DNAI3: variants seen among roughly 807,000 people sequenced by gnomAD.
DNAI3 encodes the protein WD repeat domain 63.
DNAI3 carries 83 observed loss-of-function variants against 115.5 expected under a neutral mutation model. That is an observed-to-expected ratio of 0.72 (90% CI 0.60 to 0.86). DNAI3 has a LOEUF of 0.86. Among genes scored for constraint, DNAI3 ranks in the 40% least tolerant of loss-of-function variants. The probability of loss-of-function intolerance (pLI) is 0.00; values close to 1 mark genes in which losing one functional copy is unlikely to be tolerated. For missense variants in DNAI3, 1,004 were observed against 1,075.8 expected (o/e 0.93, Z 0.93); for synonymous variants, 320 against 347.0 (o/e 0.92, Z 0.86).
chr1:85,132,160 A>G (rs1400119613), intron 22 of DNAI3, among the ~76,000 whole-genome samples: 1 of 152,250 alleles, frequency 6.6e-6, no homozygotes, highest in Non-Finnish European at 1.5e-5. Flanking sequence ...AAATGGCAAC[A>G]GTAACAACCT....
chr1:85,118,794 G>C (rs1655907387), intron 17 of DNAI3, among the ~76,000 whole-genome samples: 1 of 152,108 alleles, frequency 6.6e-6, no homozygotes. Flanking sequence ...CCGATAGGAA[G>C]AAGGAGGTTG....
intron 1 of DNAI3, among the ~76,000 whole-genome samples, chr1:85,067,216 A>AC (rs1030603621): frequency 6.6e-6 from 1 of 152,106 alleles, no homozygotes; most frequent in African/African-American, 2.4e-5. Flanking sequence ...AAGAATTAAG[A>AC]CCCCTAAAAG....
In DNAI3 at chr1:85,128,715, G is replaced by C. The variant is rs1427310054; in HGVS notation, c.2325G>C (p.Gln775His). The change falls in exon 21 of 23, where the codon CAG becomes CAC. Residue 775 changes from glutamine (Q) to histidine (H), a missense_variant. Physicochemically the swap from Gln to His is conservative, Grantham distance 24 (BLOSUM62 0). Coordinates refer to ENST00000294664, the MANE Select transcript of DNAI3 (RefSeq NM_145172.5). Reference protein sequence around the residue: ...YIKPWIFSSKQQFIATADYYG... With the variant: ...YIKPWIFSSKHQFIATADYYG... ...TTATTTTAAAATTTTCAGCTAAACA[G>C]CAATTTATAGCCACAGCTGATTATT... The C allele has an allele frequency of 6.2e-7, 1 of 1,601,732 alleles. No homozygotes were observed. The highest frequency in any genetic ancestry group is 8.5e-7 in the Non-Finnish European group (1 of 1,177,346).
In DNAI3 at chr1:85,118,181, A is replaced by G. The variant is rs150040169; in HGVS notation, c.1917+322A>G. ...AGTGTTAGAGATTTACTAAGAAACT[A>G]TAGTGTTTTGTTGGGCTAACACAAT... On this transcript the variant is annotated intron_variant, in intron 17 of 22. Transcript: ENST00000294664. Among the ~76,000 whole-genome samples, 176 of 152,338 alleles carry G rather than the reference A, an allele frequency of 1.2e-3. 2 individuals carry two copies. Among genetic ancestry groups the G allele is most frequent in the African/African-American group, 4.0e-3 (165 of 41,586 alleles).
At position 85,133,080 on chromosome 1, in the gene DNAI3, A is replaced by G; in HGVS notation, c.*82A>G. ...AGGTGAACTGGCATGCTGAACATAT[A>G]TATATATAGGCTCATTTATAGACTT... On this transcript the variant is annotated 3_prime_UTR_variant, in exon 23 of 23. Coordinates refer to ENST00000294664, the MANE Select transcript of DNAI3 (RefSeq NM_145172.5). 3.5e-6 allele frequency: 5 copies of G among 1,435,306 alleles called. No individual in the cohort carries two copies. The Middle Eastern group carries it at 5.4e-4, about 156-fold the overall frequency. The allele number at this position is 1,435,306 out of a possible 1,614,324, so 88.9% of individuals were successfully genotyped here. A position where few individuals can be genotyped will look rare whatever the true frequency, so the allele number is the denominator to read the frequency against.
intron 3 of DNAI3, among the ~76,000 whole-genome samples, chr1:85,078,864 A>G (rs530355222): frequency 6.6e-6 from 1 of 152,250 alleles, no homozygotes; most frequent in Non-Finnish European, 1.5e-5. Flanking sequence ...TAGATCCTAT[A>G]TTAGAGTTGC....
chr1:85,095,350 A>G (rs1655093020), intron 10 of DNAI3, among the ~76,000 whole-genome samples: 1 of 152,164 alleles, frequency 6.6e-6, no homozygotes, highest in Admixed American at 6.5e-5. Context: ...TCCTTTCCCC[A>G]ATTCATTTGA....
intron 4 of DNAI3, 103 bp downstream of exon 4, chr1:85,081,518 C>A (rs954940519): frequency 1.7e-6 from 2 of 1,148,192 alleles, no homozygotes; most frequent in African/African-American, 1.6e-5. Context: ...GGCCCCATTG[C>A]TTTGGGCAAG....
intron 16 of DNAI3, among the ~76,000 whole-genome samples, chr1:85,113,786 A>G (rs946120609): frequency 6.6e-6 from 1 of 152,156 alleles, no homozygotes; most frequent in African/African-American, 2.4e-5. Context: ...TATGAGAATT[A>G]GCGTCTAACA....
chr1:85,114,161 T>C (rs1236790964), intron 16 of DNAI3, among the ~76,000 whole-genome samples: 3 of 151,892 alleles, frequency 2.0e-5, no homozygotes, highest in Non-Finnish European at 4.4e-5. Flanking sequence ...CACAGGCATG[T>C]ACCACCACAC....
chr1:85,089,617 G>T (rs193037061), intron 7 of DNAI3, among the ~76,000 whole-genome samples: 1 of 151,748 alleles, frequency 6.6e-6, no homozygotes, highest in Non-Finnish European at 1.5e-5. Flanking sequence ...GCTGTCTTGT[G>T]CTTTGTAGGG....
intron 5 of DNAI3, 126 bp from the exon 6 acceptor site, chr1:85,084,420 A>G: frequency 1.4e-6 from 1 of 699,760 alleles, no homozygotes; most frequent in Non-Finnish European, 1.9e-6. Flanking sequence ...GAATTGACAA[A>G]AAAAAGTAAA....
rs1429552769 is a variant in DNAI3 at position 85,084,677 on chromosome 1, T to C, written c.522T>C (p.Val174=). The C allele has an allele frequency of 1.3e-6, 2 of 1,533,092 alleles. No homozygotes were observed. Among genetic ancestry groups the C allele is most frequent in the South Asian group, 2.6e-5 (2 of 77,440 alleles). 95.0% of individuals were successfully genotyped at this position (1,533,092 alleles called of 1,614,324 possible). A position where few individuals can be genotyped will look rare whatever the true frequency, so the allele number is the denominator to read the frequency against. The change falls in exon 6 of 23, where the codon GTT becomes GTC. Residue 174 remains valine (V), a synonymous_variant. Coordinates refer to ENST00000294664, the MANE Select transcript of DNAI3 (RefSeq NM_145172.5). ...AAAAAGAAATTGAGGAAGAATCAGT[T>C]ACGGAATCTACAAAGCAGGTTAGAG... ...GSEKEIEEES[V]TESTKQITYM...
intron 14 of DNAI3, 30 bp from the exon 15 acceptor site, chr1:85,108,003 T>C (rs1416764926): frequency 7.0e-7 from 1 of 1,430,622 alleles, no homozygotes; most frequent in African/African-American, 1.6e-5. Flanking sequence ...TGTTTGTACT[T>C]AATAAAAAAT....
intron 14 of DNAI3, among the ~76,000 whole-genome samples, chr1:85,106,590 GA>G (rs1655497530): frequency 6.6e-6 from 1 of 152,118 alleles, no homozygotes; most frequent in Non-Finnish European, 1.5e-5. Flanking sequence ...TGTCAAGGAA[GA>G]AAAAAGTTGG....
At chr1:85,064,826 A>G (rs1369351436) in intron 1 of DNAI3, among the ~76,000 whole-genome samples, 2 of 152,190 alleles carry the variant, frequency 1.3e-5, no homozygotes, top group Non-Finnish European at 2.9e-5. Context: ...TGAGGTCAGG[A>G]GTTCAAGACC....
intron 3 of DNAI3, among the ~76,000 whole-genome samples, 172 bp downstream of exon 3, chr1:85,073,264 A>G (rs4907133): frequency 0.75 from 113,902 of 152,030 alleles, 42,990 homozygotes; most frequent in Middle Eastern, 0.8. Context: ...GAAAAAATAG[A>G]AGTAGAGAAT....
At position 85,085,765 on chromosome 1, in the gene DNAI3, A is replaced by G. The variant is rs937081277; in HGVS notation, c.541-66A>G. The G allele has an allele frequency of 8.3e-6, 10 of 1,199,046 alleles. No individual in the cohort carries two copies. In the East Asian group the frequency reaches 2.0e-4, roughly 24 times the overall value. The allele number at this position is 1,199,046 out of a possible 1,614,324, so 74.3% of individuals were successfully genotyped here. A position where few individuals can be genotyped will look rare whatever the true frequency, so the allele number is the denominator to read the frequency against. On this transcript the variant is annotated intron_variant, in intron 6 of 22. Transcript: ENST00000294664. The stretch of plus-strand genomic sequence containing the variant: ...AAGGGCTCTGAGTGGATCTGAGCAG[A>G]GTACCAACATTGCCTACACATCAGG...
At position 85,121,980 on chromosome 1, in the gene DNAI3, AC is replaced by A. The variant is rs557228689; in HGVS notation, c.1981+168del. On this transcript the variant is annotated intron_variant, in intron 18 of 22. Transcript: ENST00000294664. ...GCCTTGAATAAGCAGCATAGTCATCACCTGGGAACTTGCTGAAAATACACAT... is the reference window on the plus strand; with the variant it reads ...GCCTTGAATAAGCAGCATAGTCATCACTGGGAACTTGCTGAAAATACACAT... 3.5e-4 allele frequency among the ~76,000 whole-genome samples: 53 copies of A among 152,328 alleles called. 3 individuals carry two copies. The South Asian group carries it at 0.011, about 32-fold the overall frequency.
Sources: gnomAD v4.1 joint callset for allele counts (sites outside exome capture counted in the v4.1 genomes callset) on GRCh38, gnomAD v4.1.1 for gene constraint, MANE v1.5 for transcripts, NCBI Gene and HGNC (gene_info 2026-07-23, HGNC 2026-07-21) for gene names.